TBC1D10B: variants seen among roughly 807,000 people sequenced by gnomAD.
The protein encoded by TBC1D10B is TBC1 domain family member 10B, also known as Rab27A-GAPbeta.
Under a neutral mutation model 78.4 loss-of-function variants are expected in TBC1D10B, and 25 were observed. The ratio of observed to expected loss-of-function variants is 0.32; its 90% confidence interval spans 0.23 to 0.45. The LOEUF (loss-of-function observed/expected upper bound fraction) is 0.45. Ranked by LOEUF, TBC1D10B falls within the 20% of genes least tolerant of loss-of-function variation. The pLI, the probability that TBC1D10B is intolerant of heterozygous loss-of-function variation, is 1.00. For missense variants in TBC1D10B, 996 were observed against 1,104.8 expected (o/e 0.90, Z 1.40); for synonymous variants, 517 against 478.0 (o/e 1.08, Z -1.06).
At chr16:30,359,485 C>T in intron 6 of TBC1D10B, 53 bp downstream of exon 6, 1 of 1,551,470 alleles carries the variant, frequency 6.4e-7, no homozygotes, top group Non-Finnish European at 8.7e-7. Context: ...GACCTGCCTG[C>T]AGCCTGGAGG....
intron 6 of TBC1D10B, 67 bp downstream of exon 6, chr16:30,359,471 C>A: frequency 6.5e-7 from 1 of 1,550,234 alleles, no homozygotes; most frequent in South Asian, 1.2e-5. Context: ...TGGGGCAAGG[C>A]AAGGACCTGC....
In TBC1D10B at chr16:30,370,215, G is replaced by A; in HGVS notation, c.-32C>T. 7.3e-6 allele frequency: 8 copies of A among 1,100,588 alleles called. No homozygotes were observed. Among genetic ancestry groups the A allele is most frequent in the Non-Finnish European group, 7.8e-6 (7 of 893,320 alleles). The allele number at this position is 1,100,588 out of a possible 1,614,324, so 68.2% of individuals were successfully genotyped here. A position where few individuals can be genotyped will look rare whatever the true frequency, so the allele number is the denominator to read the frequency against. ...GGGCCGCCCCTCACATCCCCCCGCC[G>A]GGGAGGCCGCAGAAGGCGCCGCCCC... On this transcript the variant is annotated 5_prime_UTR_variant, in exon 1 of 9. Coordinates refer to ENST00000409939, the MANE Select transcript of TBC1D10B (RefSeq NM_015527.4).
At chr16:30,359,409 C>A in intron 6 of TBC1D10B, 48 bp from the exon 7 acceptor site, 1 of 1,548,222 alleles carries the variant, frequency 6.5e-7, no homozygotes, top group Non-Finnish European at 8.7e-7. Flanking sequence ...AGCTGTGCCC[C>A]CATCAGGGGA....
rs912414329 is a variant in TBC1D10B, at chr16:30,359,829, C to T, written c.1284G>A (p.Leu428=). 1 of 1,564,534 alleles carries T rather than the reference C, an allele frequency of 6.4e-7. No homozygotes were observed. Among genetic ancestry groups the T allele is most frequent in the Non-Finnish European group, 8.7e-7 (1 of 1,154,160 alleles). The part of the protein sequence containing the change: ...AARGGHGQQD[L]YRILKAYTIY... ...TGGTGTAGGCCTTCAGGATTCGGTACAGGTCCTGTTGCCTGTGGGGGTTGG... is the reference window on the plus strand; with the variant it reads ...TGGTGTAGGCCTTCAGGATTCGGTATAGGTCCTGTTGCCTGTGGGGGTTGG... Residue 428 remains leucine (L), a synonymous_variant, in exon 5 of 9, where the codon CTG becomes CTA. Coordinates refer to ENST00000409939, the MANE Select transcript of TBC1D10B (RefSeq NM_015527.4).
rs1253812519 is a variant in TBC1D10B, at chr16:30,365,000, C to T, written c.1171G>A (p.Glu391Lys). 1.2e-6 allele frequency: 2 copies of T among 1,613,268 alleles called. No homozygotes were observed. The highest frequency in any genetic ancestry group is 1.7e-6 in the Non-Finnish European group (2 of 1,179,588). Reference protein sequence around the residue: ...EQNPGKFEELERAPGDPKWLD... With the variant: ...EQNPGKFEELKRAPGDPKWLD... ...CACTTGGGGTCCCCAGGAGCCCGTT[C>T]CAGCTCCTGCAGTGGGACAGTGGGG... Residue 391 changes from glutamate to lysine, a missense_variant, in exon 4 of 9, where the codon GAA becomes AAA. Physicochemically the swap from Glu to Lys is moderately conservative, Grantham distance 56 (BLOSUM62 1). Around this residue, in one of 5 missense-constraint regions of TBC1D10B, gnomAD observed 93 missense variants for 152.7 expected, o/e 0.61. Coordinates refer to ENST00000409939, the MANE Select transcript of TBC1D10B (RefSeq NM_015527.4).
rs1019268559 is a variant in TBC1D10B at position 30,365,461 on chromosome 16, G to C, written c.1056+34C>G. Reference sequence around the variant, plus strand: ...GAGCACATGCTACCCCTCCCAACTTGTGCATTGCCCTGCCCACCATTCAGC... The same window carrying C: ...GAGCACATGCTACCCCTCCCAACTTCTGCATTGCCCTGCCCACCATTCAGC... On this transcript the variant is annotated intron_variant, in intron 2 of 8. Transcript: ENST00000409939. This position sits in a 1 kb window ranked among gnomAD's most constrained non-coding sequence, Gnocchi z 5.0. The C allele has an allele frequency of 6.2e-7, 1 of 1,610,076 alleles. No individual in the cohort carries two copies. Among genetic ancestry groups the C allele is most frequent in the Non-Finnish European group, 8.5e-7 (1 of 1,176,328 alleles).
Position 30,359,744 on chromosome 16 carries a change from T to C in TBC1D10B, c.1369A>G (p.Met457Val). The change falls in exon 5 of 9, where the codon ATG (methionine) becomes GTG (valine). Residue 457 changes from methionine to valine, a missense_variant. Physicochemically the swap from Met to Val is conservative, Grantham distance 21. Coordinates refer to ENST00000409939, the MANE Select transcript of TBC1D10B (RefSeq NM_015527.4). The part of the protein sequence containing the change: ...AQAPVAAVLL[M>V]HMPAEQAFWC... ...GCGCTGACCTCCGCAGGCATGTGCATGAGCAGGACCGCAGCCACGGGGGCC... is the reference window on the plus strand; with the variant it reads ...GCGCTGACCTCCGCAGGCATGTGCACGAGCAGGACCGCAGCCACGGGGGCC... 6.3e-7 allele frequency: 1 copy of C among 1,586,426 alleles called. No homozygotes were observed. The highest frequency in any genetic ancestry group is 8.6e-7 in the Non-Finnish European group (1 of 1,166,410).
chr16:30,357,512 G>C lies in TBC1D10B; in HGVS notation c.*432C>G. ...CAATTACAACACAGGTCCAGAATGA[G>C]AGCCCTGGCCAGGAAGTGGGGGAGA... On this transcript the variant is annotated 3_prime_UTR_variant, in exon 9 of 9. Coordinates refer to ENST00000409939, the MANE Select transcript of TBC1D10B (RefSeq NM_015527.4). 4.6e-6 allele frequency: 1 copy of C among 217,132 alleles called. No individual in the cohort carries two copies. The highest frequency in any genetic ancestry group is 9.3e-6 in the Non-Finnish European group (1 of 107,572). The allele number at this position is 217,132 out of a possible 1,614,324, so 13.5% of individuals were successfully genotyped here.
Position 30,369,943 on chromosome 16 carries a change from C to G in TBC1D10B, c.241G>C (p.Ala81Pro), listed in dbSNP as rs903437763. The stretch of plus-strand genomic sequence containing the variant: ...ACCGTGCTGCCCGTGACAGCCGGGG[C>G]TGGGGCCGGGGCTGGGGCCGGGGCC... ...APAPAPAPAP[A>P]PAVTGSTVVV... The change falls in exon 1 of 9, where the codon GCC becomes CCC. Residue 81 changes from alanine to proline, a missense_variant. Transcript: ENST00000409939. This position sits in a 1 kb window ranked among gnomAD's most constrained non-coding sequence, Gnocchi z 4.3. 3 of 1,217,094 alleles carry G rather than the reference C, an allele frequency of 2.5e-6. No homozygotes were observed. In the African/African-American group the frequency reaches 4.8e-5, roughly 19 times the overall value. 75.4% of individuals were successfully genotyped at this position (1,217,094 alleles called of 1,614,324 possible).
Position 30,369,830 on chromosome 16 carries a change from A to G in TBC1D10B, c.354T>C (p.Ala118=). 7.1e-7 allele frequency: 1 copy of G among 1,410,772 alleles called. No homozygotes were observed. Among genetic ancestry groups the G allele is most frequent in the Non-Finnish European group, 9.2e-7 (1 of 1,083,990 alleles). The allele number at this position is 1,410,772 out of a possible 1,614,324, so 87.4% of individuals were successfully genotyped here. Residue 118 remains alanine, a synonymous_variant, in exon 1 of 9, where the codon GCT becomes GCC. Coordinates refer to ENST00000409939, the MANE Select transcript of TBC1D10B (RefSeq NM_015527.4). The surrounding 1 kb of genome is among the most constrained non-coding windows in gnomAD (Gnocchi z 4.3). ...CCAGAGCCCTCGATGTCTCAACTCC[A>G]GCCACTGCCGCGGGCTCTGGGGATT... ...GPESPEPAAV[A]GVETSRALAA... is the part of the protein sequence containing the mutation.
At chr16:30,368,338 C>A (rs1455422507) in intron 1 of TBC1D10B, among the ~76,000 whole-genome samples, 4 of 152,228 alleles carry the variant, frequency 2.6e-5, no homozygotes, top group African/African-American at 9.6e-5. Context: ...TAGGCTAAAC[C>A]CGAGGTCTTC....
At chr16:30,359,470 G>A in intron 6 of TBC1D10B, 68 bp downstream of exon 6, 1 of 1,550,046 alleles carries the variant, frequency 6.5e-7, no homozygotes, top group Non-Finnish European at 8.7e-7. Context: ...GTGGGGCAAG[G>A]CAAGGACCTG....
chr16:30,365,573 G>T lies in TBC1D10B; in HGVS notation c.978C>A (p.Asp326Glu). ...SGSLESSIPV[D>E]VARQRELKWL... ...ATTTGAGCTCCCGCTGCCGAGCCAC[G>T]TCCACGGGAATGGAGCTCTCTCTGC... Residue 326 changes from aspartate to glutamate, a missense_variant, in exon 2 of 9, where the codon GAC becomes GAA. By Grantham distance (45) the Asp-to-Glu change is conservative. Around this residue, in one of 5 missense-constraint regions of TBC1D10B, gnomAD observed 93 missense variants for 152.7 expected, o/e 0.61. Transcript: ENST00000409939. The surrounding 1 kb of genome is among the most constrained non-coding windows in gnomAD (Gnocchi z 5.0). The T allele has an allele frequency of 1.9e-6, 3 of 1,613,950 alleles. No homozygotes were observed. Among genetic ancestry groups the T allele is most frequent in the Non-Finnish European group, 2.5e-6 (3 of 1,179,882 alleles).
In TBC1D10B at chr16:30,365,686, C is replaced by A; in HGVS notation, c.957-92G>T. ...CTGAGGCAAGCCACCTCCCCAAGCT[C>A]AAACGAGAAACTGGATAGTCTGTGA... On this transcript the variant is annotated intron_variant, in intron 1 of 8. Coordinates refer to ENST00000409939, the MANE Select transcript of TBC1D10B (RefSeq NM_015527.4). The surrounding 1 kb of genome is among the most constrained non-coding windows in gnomAD (Gnocchi z 5.0). 2 of 1,212,698 alleles carry A rather than the reference C, an allele frequency of 1.6e-6. No individual in the cohort carries two copies. The highest frequency in any genetic ancestry group is 4.7e-5 in the East Asian group (2 of 42,504). The allele number at this position is 1,212,698 out of a possible 1,614,324, so 75.1% of individuals were successfully genotyped here.
intron 1 of TBC1D10B, among the ~76,000 whole-genome samples, chr16:30,368,305 T>C (rs2049652239): frequency 6.6e-6 from 1 of 152,196 alleles, no homozygotes; most frequent in South Asian, 2.1e-4. Context: ...TCTAGGTGCC[T>C]CAGGAAACCC....
intron 1 of TBC1D10B, among the ~76,000 whole-genome samples, chr16:30,368,505 G>A (rs905703438): frequency 6.6e-6 from 1 of 152,130 alleles, no homozygotes; most frequent in African/African-American, 2.4e-5. Flanking sequence ...CAGGAACAAC[G>A]GGCAGGATCC....
At chr16:30,362,887 C>T in intron 4 of TBC1D10B, among the ~76,000 whole-genome samples, 1 of 151,996 alleles carries the variant, frequency 6.6e-6, no homozygotes, top group East Asian at 1.9e-4. Context: ...AAATACAAAA[C>T]TTAGCTAGGC....
In TBC1D10B at chr16:30,369,673, G is replaced by A; in HGVS notation, c.511C>T (p.Leu171Phe). Residue 171 changes from leucine (L) to phenylalanine (F), a missense_variant, in exon 1 of 9, where the codon CTT becomes TTT. Physicochemically the swap from Leu to Phe is conservative, Grantham distance 22. Transcript: ENST00000409939. The surrounding 1 kb of genome is among the most constrained non-coding windows in gnomAD (Gnocchi z 4.3). ...APGALTAKPP[L>F]APKPGTTVAS... ...ACTGTGGTTCCCGGCTTGGGGGCAA[G>A]CGGGGGTTTGGCGGTCAGGGCACCA... The A allele has an allele frequency of 1.3e-6, 2 of 1,531,920 alleles. No homozygotes were observed. Among genetic ancestry groups the A allele is most frequent in the Non-Finnish European group, 1.8e-6 (2 of 1,137,076 alleles). The allele number at this position is 1,531,920 out of a possible 1,614,324, so 94.9% of individuals were successfully genotyped here.
At position 30,365,511 on chromosome 16, in the gene TBC1D10B, G is replaced by A. The variant is rs778529768; in HGVS notation, c.1040C>T (p.Ser347Leu). 6 of 1,614,020 alleles carry A rather than the reference G, an allele frequency of 3.7e-6. No individual in the cohort carries two copies. The highest frequency in any genetic ancestry group is 1.1e-5 in the South Asian group (1 of 91,072). ...CCCTCAAACCTTCTGGAATCGCCGT[G>A]ACAGCCACTTATCCCAGTTACTGAA... ...DMFSNWDKWL[S>L]RRFQKVKLRC... Residue 347 changes from serine (S) to leucine (L), a missense_variant, in exon 2 of 9, where the codon TCA becomes TTA. This residue lies in a region of TBC1D10B where 93 missense variants were observed against 152.7 expected (regional missense o/e 0.61). Transcript: ENST00000409939. This position sits in a 1 kb window ranked among gnomAD's most constrained non-coding sequence, Gnocchi z 5.0.
Sources: gnomAD v4.1 joint callset for allele counts (sites outside exome capture counted in the v4.1 genomes callset) on GRCh38, gnomAD v4.1.1 for gene constraint, gnomAD v4.1.1 regional missense constraint, Gnocchi (gnomAD v3.1) non-coding constraint, MANE v1.5 for transcripts, NCBI Gene and HGNC (gene_info 2026-07-23, HGNC 2026-07-21) for gene names.